NPHP1: variants seen among roughly 807,000 people sequenced by gnomAD.
The protein encoded by NPHP1 is nephrocystin 1.
In NPHP1, 70 loss-of-function variants were observed where a neutral mutation model predicts 90.4. The ratio of observed to expected loss-of-function variants is 0.77; its 90% CI spans 0.64 to 0.95. The LOEUF (loss-of-function observed/expected upper bound fraction) is 0.95. Ranked by LOEUF, NPHP1 falls within the 40% of genes least tolerant of loss-of-function variation. The pLI is 0.00. For synonymous variants in NPHP1, 256 were observed against 271.7 expected, an observed-to-expected ratio of 0.94 and a Z score of 0.57; for missense variants, 764 against 795.9, an observed-to-expected ratio of 0.96 and a Z score of 0.48.
intron 2 of NPHP1, among the ~76,000 whole-genome samples, chr2:110,193,696 G>A (rs1180183792): frequency 6.6e-6 from 1 of 152,124 alleles, no homozygotes; most frequent in East Asian, 1.9e-4. Flanking sequence ...CAAATCAACA[G>A]AATATACATT....
intron 11 of NPHP1, among the ~76,000 whole-genome samples, chr2:110,159,048 T>C (rs1682115256): frequency 6.6e-6 from 1 of 152,030 alleles, no homozygotes. Flanking sequence ...ATGATTTTTC[T>C]TATGGCAAAT....
chr2:110,170,919 T>C (rs986412015), intron 4 of NPHP1, among the ~76,000 whole-genome samples: 7 of 151,812 alleles, frequency 4.6e-5, no homozygotes, highest in African/African-American at 1.5e-4. Context: ...TGAGTGAGAG[T>C]TGAGGCTGAA....
At chr2:110,195,539 TG>T in intron 2 of NPHP1, among the ~76,000 whole-genome samples, 1 of 152,178 alleles carries the variant, frequency 6.6e-6, no homozygotes, top group Non-Finnish European at 1.5e-5. Flanking sequence ...TCCATGCTCA[TG>T]GGTAGGAAGT....
chr2:110,184,801 C>G, intron 2 of NPHP1: 1 of 707,818 alleles, frequency 1.4e-6, no homozygotes, highest in Non-Finnish European at 2.7e-6. Flanking sequence ...CTCAGTACTA[C>G]CTGCCTGATG....
Position 110,178,432 on chromosome 2 carries a change from T to C in NPHP1, c.320A>G (p.Asn107Ser). 1.2e-6 allele frequency: 2 copies of C among 1,613,886 alleles called. No individual in the cohort carries two copies. The highest frequency in any genetic ancestry group is 1.7e-6 in the Non-Finnish European group (2 of 1,179,860). The change falls in exon 4 of 20, where the codon AAT (asparagine) becomes AGT (serine). Residue 107 changes from asparagine to serine, a missense_variant. By Grantham distance (46) the Asn-to-Ser change is conservative. Coordinates refer to ENST00000445609, the MANE Select transcript of NPHP1 (RefSeq NM_001128178.3). ...QGLAVTISRENITEVGAPTEE... is the reference protein window; with the variant it reads ...QGLAVTISRESITEVGAPTEE... Reference sequence around the variant, plus strand: ...TAGAAAGGAAGCATACTCAGTTATATTTTCTCTGCTTATTGTCACAGCAAG... The same window carrying C: ...TAGAAAGGAAGCATACTCAGTTATACTTTCTCTGCTTATTGTCACAGCAAG...
rs1368676297 is a variant in NPHP1 at position 110,169,932 on chromosome 2, C to T, written c.396G>A (p.Glu132=). The T allele has an allele frequency of 6.2e-7, 1 of 1,603,954 alleles. No individual in the cohort carries two copies. Among genetic ancestry groups the T allele is most frequent in the Non-Finnish European group, 8.5e-7 (1 of 1,170,990 alleles). The change falls in exon 5 of 20, where the codon GAG becomes GAA. Residue 132 remains glutamate, a synonymous_variant. Transcript: ENST00000445609. ...CCTCTTCCTCCTCTGCATCTTCTTC[C>T]TCCCCACCACTGTCTTCACTATCTT... ...ESEDSEDSGG[E]EEDAEEEEEE...
chr2:110,129,514 A>G (rs1198322992), intron 17 of NPHP1, among the ~76,000 whole-genome samples: 2 of 152,224 alleles, frequency 1.3e-5, no homozygotes, highest in East Asian at 3.8e-4. Flanking sequence ...TCTGAACAGA[A>G]TAAGACTAGA....
chr2:110,136,963 T>C (rs1352923859), intron 16 of NPHP1, among the ~76,000 whole-genome samples: 1 of 152,116 alleles, frequency 6.6e-6, no homozygotes, highest in Non-Finnish European at 1.5e-5. Flanking sequence ...ACAGTACTGG[T>C]ACCAAAACAG....
chr2:110,204,877 C>G (rs758038970), intron 1 of NPHP1, 23 bp downstream of exon 1: 15 of 1,612,330 alleles, frequency 9.3e-6, no homozygotes, highest in Non-Finnish European at 1.3e-5. Flanking sequence ...CGCCCCAGGG[C>G]CCTCTGCACA....
intron 4 of NPHP1, among the ~76,000 whole-genome samples, chr2:110,174,413 A>C (rs1224474844): frequency 6.6e-6 from 1 of 152,190 alleles, no homozygotes; most frequent in Non-Finnish European, 1.5e-5. Context: ...TAGGTATTAC[A>C]ATATGCATCC....
intron 4 of NPHP1, among the ~76,000 whole-genome samples, chr2:110,173,202 C>T (rs1467789149): frequency 1.3e-5 from 2 of 152,092 alleles, no homozygotes; most frequent in East Asian, 1.9e-4. Context: ...GTGATTCGCC[C>T]GCCTCAGCAC....
chr2:110,158,843 G>T (rs1260290485), intron 11 of NPHP1, among the ~76,000 whole-genome samples: 2 of 151,924 alleles, frequency 1.3e-5, no homozygotes, highest in Admixed American at 1.3e-4. Flanking sequence ...TCTTTGACTT[G>T]TTCCTGGTCT....
At chr2:110,139,921 A>G (rs1014180299) in intron 16 of NPHP1, among the ~76,000 whole-genome samples, 9 of 152,254 alleles carry the variant, frequency 5.9e-5, no homozygotes, top group Non-Finnish European at 7.4e-5. Flanking sequence ...GAAATGGATC[A>G]GTCCTGCTTC....
chr2:110,138,574 C>T (rs1162599263), intron 16 of NPHP1, among the ~76,000 whole-genome samples: 2 of 152,098 alleles, frequency 1.3e-5, no homozygotes, highest in East Asian at 3.9e-4. Context: ...AGTGTCACCA[C>T]ATGCTTTCTC....
chr2:110,131,851 T>C (rs1679808626), intron 16 of NPHP1, 60 bp from the exon 17 acceptor site: 4 of 1,079,412 alleles, frequency 3.7e-6, no homozygotes, highest in Non-Finnish European at 5.6e-6. Context: ...ACTTATAATG[T>C]TTTGATGTAT....
chr2:110,152,686 A>G (rs1216399902), intron 11 of NPHP1, among the ~76,000 whole-genome samples: 1 of 151,866 alleles, frequency 6.6e-6, no homozygotes, highest in Non-Finnish European at 1.5e-5. Context: ...TAGCCATGAC[A>G]CCAGAAGCAG....
At chr2:110,130,994 A>G (rs1679735674) in intron 17 of NPHP1, among the ~76,000 whole-genome samples, 2 of 152,160 alleles carry the variant, frequency 1.3e-5, no homozygotes, top group Non-Finnish European at 1.5e-5. Flanking sequence ...GCCTAGCATA[A>G]TATCTGGCAC....
Position 110,204,888 on chromosome 2 carries a change from G to A in NPHP1, c.69+12C>T, listed in dbSNP as rs752149746. 6.2e-7 allele frequency: 1 copy of A among 1,613,634 alleles called. No homozygotes were observed. The highest frequency in any genetic ancestry group is 1.7e-5 in the Admixed American group (1 of 60,032). On this transcript the variant is annotated intron_variant, in intron 1 of 19. Coordinates refer to ENST00000445609, the MANE Select transcript of NPHP1 (RefSeq NM_001128178.3). ...CGCCCGCCCCAGGGCCCTCTGCACA[G>A]CCTGACCATACCTGTTGCTTCAGCT...
chr2:110,189,741 T>G (rs867323204), intron 2 of NPHP1, among the ~76,000 whole-genome samples: 1 of 152,246 alleles, frequency 6.6e-6, no homozygotes, highest in Middle Eastern at 3.4e-3. Context: ...TTACAATCCC[T>G]GAGCTAGACA....
Sources: gnomAD v4.1 joint callset for allele counts (sites outside exome capture counted in the v4.1 genomes callset) on GRCh38, gnomAD v4.1.1 for gene constraint, MANE v1.5 for transcripts, NCBI Gene and HGNC (gene_info 2026-07-23, HGNC 2026-07-21) for gene names.